TBC1D16: variants seen among roughly 807,000 people sequenced by gnomAD.
The protein encoded by TBC1D16 is CTD-2529O21.1.
In TBC1D16, 58 loss-of-function variants were observed where a neutral mutation model predicts 74.7. The observed-to-expected ratio is 0.78, with a 90% confidence interval of 0.63 to 0.97. The LOEUF (loss-of-function observed/expected upper bound fraction) is 0.97. Among genes scored for constraint, TBC1D16 ranks in the 50% least tolerant of loss-of-function variants. The pLI is 0.00. For missense variants in TBC1D16, 1,014 were observed against 1,079.5 expected (o/e 0.94, Z 0.85); for synonymous variants, 493 against 474.7 (o/e 1.04, Z -0.50).
At position 80,010,111 on chromosome 17, in the gene TBC1D16, C is replaced by G. The variant is rs1442907258; in HGVS notation, c.779+49G>C. 3.4e-6 allele frequency: 5 copies of G among 1,489,644 alleles called. No individual in the cohort carries two copies. Among genetic ancestry groups the G allele is most frequent in the East Asian group, 4.6e-5 (2 of 43,668 alleles). The allele number at this position is 1,489,644 out of a possible 1,614,324, so 92.3% of individuals were successfully genotyped here. A position where few individuals can be genotyped will look rare whatever the true frequency, so the allele number is the denominator to read the frequency against. On this transcript the variant is annotated intron_variant, in intron 3 of 11. Transcript: ENST00000310924. This position sits in a 1 kb window ranked among gnomAD's most constrained non-coding sequence, Gnocchi z 8.8. The stretch of plus-strand genomic sequence containing the variant: ...GCAGGTGAGTGCTTCCTGCCCAGGT[C>G]AGGCCTTGGGGGCCTCCCGAGAGCC...
chr17:79,978,181 G>T (rs1419686993), intron 3 of TBC1D16, among the ~76,000 whole-genome samples: 1 of 152,194 alleles, frequency 6.6e-6, no homozygotes, highest in Non-Finnish European at 1.5e-5. Flanking sequence ...GAGCAGCAAG[G>T]CCGGAAAATA....
Position 80,035,355 on chromosome 17 carries a change from G to A in TBC1D16, c.-63+440C>T, listed in dbSNP as rs1460861101. 6.6e-6 allele frequency among the ~76,000 whole-genome samples: 1 copy of A among 152,002 alleles called. No homozygotes were observed. Among genetic ancestry groups the A allele is most frequent in the Non-Finnish European group, 1.5e-5 (1 of 67,984 alleles). On this transcript the variant is annotated intron_variant, in intron 1 of 11. Transcript: ENST00000310924. The surrounding 1 kb of genome is among the most constrained non-coding windows in gnomAD (Gnocchi z 5.3). ...AAGCCCGACAGGCCGGGAAAGCTGA[G>A]CGCGCGCTGCTGGGGGGACGCACAC...
At position 79,950,538 on chromosome 17, in the gene TBC1D16, C is replaced by T; in HGVS notation, c.1130G>A (p.Arg377His). 6.2e-7 allele frequency: 1 copy of T among 1,613,092 alleles called. No homozygotes were observed. Residue 377 changes from arginine to histidine, a missense_variant, in exon 6 of 12, where the codon CGC (arginine) becomes CAC (histidine). Coordinates refer to ENST00000310924, the MANE Select transcript of TBC1D16 (RefSeq NM_019020.4). This position sits in a 1 kb window ranked among gnomAD's most constrained non-coding sequence, Gnocchi z 4.6. ...CTCGGAGGACGGCAGCTTGGGGCGG[C>T]GGATGGAGAACTGCATGCATGTCTT... ...PDKTCMQFSI[R>H]RPKLPSSETH... is the part of the protein sequence containing the mutation.
chr17:79,952,349 G>A (rs1051194521), intron 4 of TBC1D16, among the ~76,000 whole-genome samples: 1 of 152,204 alleles, frequency 6.6e-6, no homozygotes, highest in Non-Finnish European at 1.5e-5. Context: ...CAGAGCCGCC[G>A]GCAGCTGCTA....
chr17:79,944,817 G>T lies in TBC1D16; in HGVS notation c.1908+91C>A. ...AATGTGTGGCTGTGGGTGGGGGGCG[G>T]CGAGGCGGACAGGGGCAGCAGGCAG... is the stretch of plus-strand genomic sequence containing the variant. On this transcript the variant is annotated intron_variant, in intron 10 of 11. Coordinates refer to ENST00000310924, the MANE Select transcript of TBC1D16 (RefSeq NM_019020.4). This position sits in a 1 kb window ranked among gnomAD's most constrained non-coding sequence, Gnocchi z 7.7. The T allele has an allele frequency of 8.2e-7, 1 of 1,216,696 alleles. No homozygotes were observed. The highest frequency in any genetic ancestry group is 1.1e-6 in the Non-Finnish European group (1 of 894,176). The allele number at this position is 1,216,696 out of a possible 1,614,324, so 75.4% of individuals were successfully genotyped here. A position where few individuals can be genotyped will look rare whatever the true frequency, so the allele number is the denominator to read the frequency against.
At chr17:80,028,249 AGCCG>A (rs1269758725) in intron 1 of TBC1D16, among the ~76,000 whole-genome samples, 2 of 152,000 alleles carry the variant, frequency 1.3e-5, no homozygotes, top group African/African-American at 4.8e-5. Context: ...AAAAAAGAAT[AGCCG>A]GGCGCAGTGG....
intron 3 of TBC1D16, among the ~76,000 whole-genome samples, chr17:80,006,226 T>TTCTCTCTCTCTCTCTCTCTCTCTCTCTC (rs113353447): frequency 6.0e-5 from 9 of 148,832 alleles, no homozygotes; most frequent in African/African-American, 2.2e-4. Context: ...CTCTCTTTCT[T>TTCTCTCTCTCTCTCTCTCTCTCTCTCTC]TCTCTCTCTC....
rs746450905 is a variant in TBC1D16, at chr17:79,960,779, C to CAAAAAAAAAAAAAAAAAAAAAAAAAA, written c.780-7987_780-7962dup. ...CAAAAAAACCCAAAAAACAAAAACC[C>CAAAAAAAAAAAAAAAAAAAAAAAAAA]AAAAAAAAAAAAAAAAAAAAAAAAA... On this transcript the variant is annotated intron_variant, in intron 3 of 11. Coordinates refer to ENST00000310924, the MANE Select transcript of TBC1D16 (RefSeq NM_019020.4). 1.6e-3 allele frequency among the ~76,000 whole-genome samples: 55 copies of CAAAAAAAAAAAAAAAAAAAAAAAAAA among 33,948 alleles called. 21 individuals are homozygous for CAAAAAAAAAAAAAAAAAAAAAAAAAA. The highest frequency in any genetic ancestry group is 1.6e-3 in the Non-Finnish European group (29 of 18,148). 22.3% of individuals were successfully genotyped at this position (33,948 alleles called of 152,430 possible). A position where few individuals can be genotyped will look rare whatever the true frequency, so the allele number is the denominator to read the frequency against.
intron 3 of TBC1D16, among the ~76,000 whole-genome samples, chr17:79,966,511 C>G (rs751793504): frequency 4.6e-5 from 7 of 152,104 alleles, no homozygotes; most frequent in Non-Finnish European, 1.0e-4. Flanking sequence ...CTGCCTCTCT[C>G]TCTCTTCTAA....
chr17:79,966,925 C>T (rs1191770137), intron 3 of TBC1D16, among the ~76,000 whole-genome samples: 2 of 152,102 alleles, frequency 1.3e-5, no homozygotes, highest in Non-Finnish European at 2.9e-5. Context: ...GGATGTAAGA[C>T]ACTAGATTAG....
Position 80,010,809 on chromosome 17 carries a change from G to C in TBC1D16, c.182-52C>G, listed in dbSNP as rs371871266. On this transcript the variant is annotated intron_variant, in intron 2 of 11. Coordinates refer to ENST00000310924, the MANE Select transcript of TBC1D16 (RefSeq NM_019020.4). The surrounding 1 kb of genome is among the most constrained non-coding windows in gnomAD (Gnocchi z 8.8). ...TTAGAGGCCAGGAGGCTGTGGATGA[G>C]GCCCTTGTGGTACCTTTGGCGAGCT... is the stretch of plus-strand genomic sequence containing the variant. 6.6e-5 allele frequency: 89 copies of C among 1,351,566 alleles called. No individual in the cohort carries two copies. The highest frequency in any genetic ancestry group is 2.7e-5 in the Non-Finnish European group (28 of 1,021,452). The allele number at this position is 1,351,566 out of a possible 1,614,324, so 83.7% of individuals were successfully genotyped here.
rs558193900 is a variant in TBC1D16, at chr17:79,985,297, C to T, written c.779+24863G>A. Among the ~76,000 whole-genome samples, 1 of 152,330 alleles carries T rather than the reference C, an allele frequency of 6.6e-6. No individual in the cohort carries two copies. The highest frequency in any genetic ancestry group is 6.5e-5 in the Admixed American group (1 of 15,306). On this transcript the variant is annotated intron_variant, in intron 3 of 11. Transcript: ENST00000310924. This position sits in a 1 kb window ranked among gnomAD's most constrained non-coding sequence, Gnocchi z 4.9. Reference sequence around the variant, plus strand: ...CCACCCTAATCCAGGAAGACCTCAACTGGATCCTTCCCTTGATCCCATCAG... The same window carrying T: ...CCACCCTAATCCAGGAAGACCTCAATTGGATCCTTCCCTTGATCCCATCAG...
At chr17:79,960,813 A>AAAAGCCAGGTGTGGT in intron 3 of TBC1D16, among the ~76,000 whole-genome samples, 1 of 137,730 alleles carries the variant, frequency 7.3e-6, no homozygotes, top group Non-Finnish European at 1.6e-5. Flanking sequence ...AAAAAAACGA[A>AAAAGCCAGGTGTGGT]GGAATGAAAC....
intron 1 of TBC1D16, among the ~76,000 whole-genome samples, chr17:80,032,872 C>T (rs1366617455): frequency 6.6e-6 from 1 of 152,142 alleles, no homozygotes; most frequent in Non-Finnish European, 1.5e-5. Context: ...AGGCCTGTGA[C>T]AAAAATCAGG....
At chr17:79,969,080 T>C (rs1158905632) in intron 3 of TBC1D16, among the ~76,000 whole-genome samples, 1 of 152,010 alleles carries the variant, frequency 6.6e-6, no homozygotes, top group African/African-American at 2.4e-5. Context: ...TCCACATCAT[T>C]ATTCCCTGGA....
At chr17:79,989,163 T>C (rs1269636136) in intron 3 of TBC1D16, among the ~76,000 whole-genome samples, 1 of 152,158 alleles carries the variant, frequency 6.6e-6, no homozygotes, top group Non-Finnish European at 1.5e-5. Context: ...GACCCTCAAA[T>C]GCAGCACCGT....
intron 1 of TBC1D16, among the ~76,000 whole-genome samples, chr17:80,013,977 A>G (rs1228023064): frequency 6.6e-6 from 1 of 152,132 alleles, no homozygotes; most frequent in Non-Finnish European, 1.5e-5. Flanking sequence ...AACCTCCACA[A>G]AAACGTTTTT....
In TBC1D16 at chr17:79,988,215, C is replaced by T. The variant is rs1372115460; in HGVS notation, c.779+21945G>A. Among the ~76,000 whole-genome samples, 1 of 152,210 alleles carries T rather than the reference C, an allele frequency of 6.6e-6. No individual in the cohort carries two copies. The highest frequency in any genetic ancestry group is 1.5e-5 in the Non-Finnish European group (1 of 68,042). ...CCTACCTGGGAGGTGCTTGCCTGGC[C>T]ACCAGCCAGGGCCGTGGCTCCTCGG... On this transcript the variant is annotated intron_variant, in intron 3 of 11. Transcript: ENST00000310924. This position sits in a 1 kb window ranked among gnomAD's most constrained non-coding sequence, Gnocchi z 5.7.
In TBC1D16 at chr17:79,952,746, G is replaced by A. The variant is rs760647251; in HGVS notation, c.852C>T (p.Asp284=). Residue 284 remains aspartate, a synonymous_variant, in exon 4 of 12, where the codon GAC becomes GAT. Transcript: ENST00000310924. The part of the protein sequence containing the change: ...SNGLLQTPRW[D]EPQRVCALEQ... ...CCAGGGCGCACACCCGCTGCGGCTC[G>A]TCCCAGCGTGGGGTCTGCAGGAGGC... 16 of 1,611,956 alleles carry A rather than the reference G, an allele frequency of 9.9e-6. No individual in the cohort carries two copies. The highest frequency in any genetic ancestry group is 5.0e-5 in the Admixed American group (3 of 59,962).
Sources: allele counts gnomAD v4.1 joint callset (sites outside exome capture counted in the v4.1 genomes callset), GRCh38; gene constraint gnomAD v4.1.1; non-coding constraint Gnocchi (gnomAD v3.1); transcripts MANE v1.5; gene names NCBI Gene and HGNC (gene_info 2026-07-23, HGNC 2026-07-21).